Variants in RBFOX1 observed in about 807,000 individuals in gnomAD.
RBFOX1 encodes the protein RNA binding protein fox-1 homolog 1.
In RBFOX1, 8 loss-of-function variants were observed where a neutral mutation model predicts 57.7. The ratio of observed to expected loss-of-function variants is 0.14; its 90% CI spans 0.08 to 0.25. The LOEUF is 0.25. Among genes scored for constraint, RBFOX1 ranks in the 10% least tolerant of loss-of-function variants. The pLI is 1.00. For missense variants in RBFOX1, 611 were observed against 548.5 expected (o/e 1.11, Z -1.14); for synonymous variants, 326 against 222.4 (o/e 1.47, Z -4.15).
At chr16:7,615,429 T>C (rs2058283884) in intron 10 of RBFOX1, among the ~76,000 whole-genome samples, 1 of 152,184 alleles carries the variant, frequency 6.6e-6, no homozygotes, top group South Asian at 2.1e-4. Context: ...TTTACATATA[T>C]GTACGTAAAT....
chr16:6,764,676 C>T (rs1341804792), intron 3 of RBFOX1, among the ~76,000 whole-genome samples: 1 of 152,178 alleles, frequency 6.6e-6, no homozygotes, highest in African/African-American at 2.4e-5. Flanking sequence ...GTGGCTCACG[C>T]CTGTAATCCC....
chr16:7,011,773 C>T (rs1245017902), intron 3 of RBFOX1, among the ~76,000 whole-genome samples: 4 of 152,158 alleles, frequency 2.6e-5, no homozygotes, highest in Non-Finnish European at 4.4e-5. Context: ...CTTGGCCTTC[C>T]AAAGTGCTGG....
At chr16:6,455,623 C>T (rs147470645) in intron 2 of RBFOX1, among the ~76,000 whole-genome samples, 1,885 of 152,228 alleles carry the variant, frequency 0.012, 20 homozygotes, top group Admixed American at 0.02. Flanking sequence ...CCTTCTTGTC[C>T]GAGGCTTACC....
rs138851363 is a variant in RBFOX1, at chr16:7,489,084, C to G, written c.28-29063C>G. 3.7e-4 allele frequency among the ~76,000 whole-genome samples: 57 copies of G among 152,288 alleles called. No individual in the cohort carries two copies. In the East Asian group the frequency reaches 9.7e-3, roughly 26 times the overall value. On this transcript the variant is annotated intron_variant, in intron 4 of 15. Coordinates refer to ENST00000550418, the MANE Select transcript of RBFOX1 (RefSeq NM_018723.4). ...TCTCAGCGTGTCTGTCTCCCCATGT[C>G]TGTGTCTGGCTTTGTCTTCATTTTT... is the stretch of plus-strand genomic sequence containing the variant.
At chr16:5,325,886 C>G (rs985693694) in intron 1 of RBFOX1, among the ~76,000 whole-genome samples, 3 of 152,174 alleles carry the variant, frequency 2.0e-5, no homozygotes, top group African/African-American at 7.2e-5. Context: ...CTTCTGTACA[C>G]ATTCATGAAC....
At chr16:7,413,572 C>A (rs182889443) in intron 4 of RBFOX1, among the ~76,000 whole-genome samples, 3 of 152,132 alleles carry the variant, frequency 2.0e-5, no homozygotes, top group African/African-American at 7.2e-5. Context: ...GCCATAGATT[C>A]CACGCTTTGC....
At chr16:5,843,780 G>A (rs553020371) in intron 3 of RBFOX1, among the ~76,000 whole-genome samples, 2 of 152,284 alleles carry the variant, frequency 1.3e-5, no homozygotes, top group Non-Finnish European at 2.9e-5. Flanking sequence ...GAATATAGAT[G>A]CATCCTTCTC....
At chr16:5,680,741 G>A (rs893378368) in intron 3 of RBFOX1, among the ~76,000 whole-genome samples, 2 of 152,174 alleles carry the variant, frequency 1.3e-5, no homozygotes, top group South Asian at 4.1e-4. Flanking sequence ...TTTACACTCC[G>A]GGTGAAGCTG....
At chr16:5,380,159 G>A (rs996655497) in intron 1 of RBFOX1, among the ~76,000 whole-genome samples, 1 of 152,322 alleles carries the variant, frequency 6.6e-6, no homozygotes, top group African/African-American at 2.4e-5. Flanking sequence ...CAGAGGCTCT[G>A]ATGACAGCAT....
chr16:6,957,858 G>C (rs9940637), intron 3 of RBFOX1, among the ~76,000 whole-genome samples: 2 of 152,068 alleles, frequency 1.3e-5, no homozygotes, highest in Admixed American at 6.6e-5. Flanking sequence ...TCCTCCTAGC[G>C]TGACAGTTGC....
intron 3 of RBFOX1, among the ~76,000 whole-genome samples, chr16:6,981,831 C>G (rs369518073): frequency 2.0e-5 from 3 of 152,120 alleles, no homozygotes; most frequent in Non-Finnish European, 4.4e-5. Context: ...GGTGGGGACA[C>G]AGCCAAGCCA....
intron 4 of RBFOX1, among the ~76,000 whole-genome samples, chr16:7,400,940 C>T (rs1486410463): frequency 1.3e-5 from 2 of 152,146 alleles, no homozygotes; most frequent in African/African-American, 2.4e-5. Context: ...CACATACCAC[C>T]ACGGTATTTT....
downstream of RBFOX1, among the ~76,000 whole-genome samples, chr16:5,603,168 C>T (rs1360707955): frequency 3.3e-5 from 5 of 152,290 alleles, no homozygotes; most frequent in East Asian, 7.7e-4. Context: ...AAGGGCTTTC[C>T]CTGGATGCAG....
chr16:6,635,835 T>A (rs868233748), intron 2 of RBFOX1, among the ~76,000 whole-genome samples: 6 of 152,208 alleles, frequency 3.9e-5, no homozygotes, highest in Admixed American at 6.5e-5. Flanking sequence ...TGAATAAGTA[T>A]AGTCTGACTA....
chr16:5,452,116 C>CT (rs148215801), intron 1 of RBFOX1, among the ~76,000 whole-genome samples: 1,406 of 108,104 alleles, frequency 0.013, 30 homozygotes, highest in East Asian at 0.018. Context: ...CTCTCTCTCT[C>CT]TTTTTTTTTT....
chr16:6,011,374 T>G (rs1290425436), intron 4 of RBFOX1, among the ~76,000 whole-genome samples: 1 of 147,516 alleles, frequency 6.8e-6, no homozygotes, highest in East Asian at 2.0e-4. Context: ...TTACAGAGTG[T>G]TTTTTTTTTA....
chr16:5,983,915 T>TCCTCCTCCTACCCCTCCTCCTCCC (rs2060225540), intron 4 of RBFOX1, among the ~76,000 whole-genome samples: 1 of 123,574 alleles, frequency 8.1e-6, no homozygotes, highest in Non-Finnish European at 1.7e-5. Context: ...CTCCTCCTCT[T>TCCTCCTCCTACCCCTCCTCCTCCC]CCTCCTCCTC....
At chr16:6,645,584 A>AACTGCTTCTG (rs1434193980) in intron 2 of RBFOX1, among the ~76,000 whole-genome samples, 28 of 152,300 alleles carry the variant, frequency 1.8e-4, no homozygotes, top group African/African-American at 4.6e-4. Context: ...CGGGAGAGAG[A>AACTGCTTCTG]ACTGCTTCTG....
intron 4 of RBFOX1, among the ~76,000 whole-genome samples, chr16:7,185,693 G>A (rs2083582769): frequency 6.6e-6 from 1 of 152,134 alleles, no homozygotes; most frequent in African/African-American, 2.4e-5. Context: ...TATCTTCAAA[G>A]GCACTCTTTT....
Sources: allele counts gnomAD v4.1 joint callset (sites outside exome capture counted in the v4.1 genomes callset), GRCh38; gene constraint gnomAD v4.1.1; transcripts MANE v1.5; gene names NCBI Gene and HGNC (gene_info 2026-07-23, HGNC 2026-07-21).